GPAM: variants seen among roughly 807,000 people sequenced by gnomAD.
The protein encoded by GPAM is glycerol-3-phosphate acyltransferase 1, mitochondrial.
A neutral mutation model predicts 105.0 loss-of-function variants in GPAM; 56 were observed. The observed-to-expected ratio is 0.53, with a 90% confidence interval of 0.43 to 0.67. The LOEUF is 0.67. GPAM is among the 30% of genes least tolerant of loss of function. The pLI is 0.00. For synonymous variants in GPAM, 368 were observed against 354.4 expected (o/e 1.04, Z -0.43); for missense variants, 855 against 989.8 (o/e 0.86, Z 1.83).
upstream of GPAM, among the ~76,000 whole-genome samples, chr10:112,217,156 G>A (rs769860565): frequency 1.3e-5 from 2 of 152,076 alleles, no homozygotes; most frequent in South Asian, 2.1e-4. Context: ...ACGATCACCC[G>A]CAACTCTGCC....
chr10:112,169,941 C>A (rs921309185), intron 9 of GPAM, among the ~76,000 whole-genome samples: 1 of 152,168 alleles, frequency 6.6e-6, no homozygotes, highest in Non-Finnish European at 1.5e-5. Context: ...TTGTGCATTC[C>A]TTATGAGAAT....
chr10:112,217,366 C>T (rs1250907106), upstream of GPAM, among the ~76,000 whole-genome samples: 1 of 151,784 alleles, frequency 6.6e-6, no homozygotes, highest in Non-Finnish European at 1.5e-5. Flanking sequence ...TATAAATATA[C>T]TACAATTTAT....
chr10:112,215,745 G>A (rs977458660), upstream of GPAM, among the ~76,000 whole-genome samples: 1 of 152,142 alleles, frequency 6.6e-6, no homozygotes, highest in African/African-American at 2.4e-5. Context: ...AGGTTTGACT[G>A]GGGCTGAGCG....
chr10:112,154,176 T>C (rs922516742), intron 21 of GPAM: 1 of 191,708 alleles, frequency 5.2e-6, no homozygotes, highest in African/African-American at 2.4e-5. Context: ...ATCTGAAAGA[T>C]TTTGAACATC....
In GPAM at chr10:112,157,350, G is replaced by T. The variant is rs367990106; in HGVS notation, c.2020C>A (p.Gln674Lys). ...QEDISPSLAE[Q>K]QWDKKLPEPL... ...TCTGGAAGCTTCTTGTCCCACTGCTGCTCAGCAAGACTAGGACTGATATCT... is the reference window on the plus strand; with the variant it reads ...TCTGGAAGCTTCTTGTCCCACTGCTTCTCAGCAAGACTAGGACTGATATCT... Residue 674 changes from glutamine (Q) to lysine (K), a missense_variant, in exon 19 of 22, where the codon CAG (glutamine) becomes AAG (lysine). By Grantham distance (53) the Gln-to-Lys change is moderately conservative (BLOSUM62 1). Coordinates refer to ENST00000348367, the MANE Select transcript of GPAM (RefSeq NM_001244949.2). The T allele has an allele frequency of 6.2e-7, 1 of 1,613,506 alleles. No homozygotes were observed. Among genetic ancestry groups the T allele is most frequent in the Admixed American group, 1.7e-5 (1 of 60,020 alleles).
chr10:112,160,707 G>A lies in GPAM; in HGVS notation c.1656C>T (p.Asn552=), dbSNP rs2277207. ...NCVTITHTSR[N]DEFFITPSTT... ...TGCTGGGGGTGATAAAAAACTCATC[G>A]TTCCTGCTAGTGTGGGTGATTGTGA... Residue 552 remains asparagine (N), a synonymous_variant, in exon 16 of 22, where the codon AAC becomes AAT. Transcript: ENST00000348367. 0.59 allele frequency: 951,344 copies of A among 1,612,448 alleles called. 282,384 individuals carry two copies. The highest frequency in any genetic ancestry group is 0.61 in the South Asian group (55,854 of 91,048).
At position 112,155,964 on chromosome 10, in the gene GPAM, G is replaced by A; in HGVS notation, c.2211C>T (p.Ile737=). ...CAGGACCACTGAAGTTGTGAACAAA[G>A]ATGGCAGCAGAGCTGTAGGCCTCCA... ...PLLEAYSSAA[I]FVHNFSGPVP... Residue 737 remains isoleucine, a synonymous_variant, in exon 20 of 22, where the codon ATC becomes ATT. Transcript: ENST00000348367. The A allele has an allele frequency of 1.2e-6, 2 of 1,611,376 alleles. No homozygotes were observed. The highest frequency in any genetic ancestry group is 1.7e-6 in the Non-Finnish European group (2 of 1,177,544).
At chr10:112,172,398 T>G in intron 8 of GPAM, 80 bp from the exon 9 acceptor site, 1 of 1,091,488 alleles carries the variant, frequency 9.2e-7, no homozygotes, top group Non-Finnish European at 1.4e-6. Flanking sequence ...TTGGCTAGAG[T>G]CACTCAAACA....
At chr10:112,180,022 TC>T (rs1427542651) in intron 4 of GPAM, among the ~76,000 whole-genome samples, 3 of 152,244 alleles carry the variant, frequency 2.0e-5, no homozygotes, top group Non-Finnish European at 4.4e-5. Flanking sequence ...TTAGTGACAA[TC>T]TTTCACTATC....
In GPAM at chr10:112,153,475, A is replaced by G; in HGVS notation, c.*75T>C. ...GCCTGACCCTGCGATGGCACCTTCA[A>G]CTCTTGAGCCAGAAGCTGGTACCTA... On this transcript the variant is annotated 3_prime_UTR_variant, in exon 22 of 22. Coordinates refer to ENST00000348367, the MANE Select transcript of GPAM (RefSeq NM_001244949.2). 6.2e-7 allele frequency: 1 copy of G among 1,609,006 alleles called. No homozygotes were observed. The highest frequency in any genetic ancestry group is 8.5e-7 in the Non-Finnish European group (1 of 1,177,850).
At chr10:112,208,593 G>A (rs1423688554) in intron 1 of GPAM, among the ~76,000 whole-genome samples, 1 of 152,158 alleles carries the variant, frequency 6.6e-6, no homozygotes, top group Non-Finnish European at 1.5e-5. Flanking sequence ...CAAAAACTAA[G>A]AAGGATATCC....
intron 1 of GPAM, among the ~76,000 whole-genome samples, chr10:112,204,971 T>C (rs1194362974): frequency 2.9e-5 from 2 of 68,720 alleles, no homozygotes; most frequent in African/African-American, 1.2e-4. Flanking sequence ...CAGCAAAGTC[T>C]CAGGATACAA....
chr10:112,202,299 G>C (rs1187669735), intron 1 of GPAM, among the ~76,000 whole-genome samples: 1 of 152,192 alleles, frequency 6.6e-6, no homozygotes, highest in Non-Finnish European at 1.5e-5. Context: ...ATAGTGAGCA[G>C]TATTTGGCCC....
chr10:112,173,463 G>A (rs960996188), intron 7 of GPAM, among the ~76,000 whole-genome samples: 1 of 152,194 alleles, frequency 6.6e-6, no homozygotes, highest in Non-Finnish European at 1.5e-5. Flanking sequence ...GCAGATGTTA[G>A]TAGTAATACA....
upstream of GPAM, among the ~76,000 whole-genome samples, chr10:112,184,847 A>T (rs1197982983): frequency 1.3e-5 from 2 of 152,224 alleles, no homozygotes; most frequent in Admixed American, 1.3e-4. Flanking sequence ...AGCTGTGGAG[A>T]TCTACAACAG....
chr10:112,195,710 G>A (rs544075624), intron 1 of GPAM, among the ~76,000 whole-genome samples: 16 of 152,216 alleles, frequency 1.1e-4, no homozygotes, highest in South Asian at 8.3e-4. Flanking sequence ...AGTACCTGAC[G>A]GTACCTTGCT....
intron 16 of GPAM, 38 bp downstream of exon 16, chr10:112,160,566 C>A: frequency 6.3e-7 from 1 of 1,586,810 alleles, no homozygotes; most frequent in Non-Finnish European, 8.7e-7. Context: ...TTTTATTTTC[C>A]ATGAAAATTA....
In GPAM at chr10:112,191,270, A is replaced by G. The variant is rs554556998; in HGVS notation, n.211-8379T>C. On this transcript the variant is annotated intron_variant and non_coding_transcript_variant, in intron 1 of 3. Transcript: ENST00000480130. ...TCAAGATGGTCATCAAATACACTGG[A>G]GCCAGGCAGTAAGCAGCCAGGCTTC... is the stretch of plus-strand genomic sequence containing the variant. 1.2e-4 allele frequency among the ~76,000 whole-genome samples: 18 copies of G among 152,332 alleles called. No homozygotes were observed. In the South Asian group the frequency reaches 3.5e-3, roughly 30 times the overall value.
upstream of GPAM, among the ~76,000 whole-genome samples, chr10:112,216,542 C>G (rs1392263563): frequency 6.6e-6 from 1 of 152,176 alleles, no homozygotes; most frequent in African/African-American, 2.4e-5. Context: ...TCCAAGGGGA[C>G]CCCCTGCAGG....
Sources: allele counts gnomAD v4.1 joint callset (sites outside exome capture counted in the v4.1 genomes callset), GRCh38; gene constraint gnomAD v4.1.1; transcripts MANE v1.5; gene names NCBI Gene and HGNC (gene_info 2026-07-23, HGNC 2026-07-21).